DNAAF5: variants seen among roughly 807,000 people sequenced by gnomAD.
DNAAF5 encodes HEAT repeat containing 2.
In DNAAF5, 64 loss-of-function variants were observed where a neutral mutation model predicts 75.8. That is an observed-to-expected ratio of 0.84 (90% CI 0.69 to 1.04). The LOEUF (loss-of-function observed/expected upper bound fraction) is 1.04, where lower values mean the gene tolerates loss of function less well. DNAAF5 is among the 50% of genes least tolerant of loss of function. DNAAF5 has a pLI of 0.00. For missense variants in DNAAF5, 1,269 were observed against 1,178.5 expected (o/e 1.08, Z -1.12); for synonymous variants, 657 against 557.2 (o/e 1.18, Z -2.52).
Position 774,209 on chromosome 7 carries a change from C to T in DNAAF5, c.2082+11C>T. The T allele has an allele frequency of 6.3e-7, 1 of 1,598,244 alleles. No homozygotes were observed. Among genetic ancestry groups the T allele is most frequent in the African/African-American group, 1.3e-5 (1 of 74,906 alleles). On this transcript the variant is annotated intron_variant, in intron 10 of 12. Transcript: ENST00000297440. ...CTGTCGGCAGAGCAGGTACGGGGCT[C>T]CCTGCGTGCTCGGTGGACACCGGCC...
intron 12 of DNAAF5, among the ~76,000 whole-genome samples, chr7:780,863 TATA>T (rs753779048): frequency 6.0e-5 from 9 of 150,772 alleles, no homozygotes; most frequent in African/African-American, 2.2e-4. Context: ...TGTTGGTGAA[TATA>T]ATGACGTTGT....
At chr7:761,664 GA>G in intron 6 of DNAAF5, 88 bp from the exon 7 acceptor site, 1 of 1,377,342 alleles carries the variant, frequency 7.3e-7, no homozygotes, top group South Asian at 1.4e-5. Context: ...GATACGTGGG[GA>G]TTATGGGAGC....
At chr7:775,214 G>A (rs1220068027) in intron 11 of DNAAF5, 52 bp downstream of exon 11, 2 of 1,566,156 alleles carry the variant, frequency 1.3e-6, no homozygotes, top group Non-Finnish European at 1.8e-6. Flanking sequence ...AGCCCTCCGT[G>A]TCCCTGGGTT....
chr7:757,749 C>A (rs539645962), intron 6 of DNAAF5, among the ~76,000 whole-genome samples: 1 of 152,292 alleles, frequency 6.6e-6, no homozygotes, highest in South Asian at 2.1e-4. Context: ...GACTCAGCAC[C>A]CCAGATATTT....
intron 8 of DNAAF5, among the ~76,000 whole-genome samples, chr7:764,332 C>T (rs191734428): frequency 6.6e-6 from 1 of 152,214 alleles, no homozygotes; most frequent in East Asian, 1.9e-4. Flanking sequence ...GACATGGGGG[C>T]CTTAGCCCCA....
intron 4 of DNAAF5, among the ~76,000 whole-genome samples, chr7:750,590 C>T (rs974588661): frequency 1.3e-5 from 2 of 152,198 alleles, no homozygotes; most frequent in Non-Finnish European, 2.9e-5. Context: ...TTGCCCTCCC[C>T]TGAGAATCTC....
At chr7:773,437 G>A (rs1188432939) in intron 9 of DNAAF5, among the ~76,000 whole-genome samples, 1 of 152,114 alleles carries the variant, frequency 6.6e-6, no homozygotes. Flanking sequence ...TTTGCTTTGA[G>A]TTTGTCTTGG....
intron 2 of DNAAF5, among the ~76,000 whole-genome samples, chr7:731,147 A>G (rs35875124): frequency 1.3e-5 from 2 of 152,152 alleles, no homozygotes; most frequent in Non-Finnish European, 2.9e-5. Context: ...CCACAAGGAA[A>G]GTGGAGTCTG....
At chr7:780,358 T>G (rs898692062) in intron 12 of DNAAF5, among the ~76,000 whole-genome samples, 1 of 152,232 alleles carries the variant, frequency 6.6e-6, no homozygotes, top group African/African-American at 2.4e-5. Context: ...AAATCAAAAC[T>G]GAGAGTATTC....
chr7:743,278 G>A (rs2128073766), intron 4 of DNAAF5, among the ~76,000 whole-genome samples: 1 of 152,278 alleles, frequency 6.6e-6, no homozygotes, highest in African/African-American at 2.4e-5. Context: ...CAGAGGCTGA[G>A]GTGGGAGGAT....
intron 4 of DNAAF5, among the ~76,000 whole-genome samples, chr7:745,418 G>A (rs541510732): frequency 8.9e-5 from 12 of 134,622 alleles, no homozygotes; most frequent in Non-Finnish European, 1.3e-4. Flanking sequence ...AGAGCGAGGC[G>A]CACACGCATA....
At chr7:753,881 C>T (rs1450235707) in intron 4 of DNAAF5, among the ~76,000 whole-genome samples, 10 of 129,678 alleles carry the variant, frequency 7.7e-5, no homozygotes, top group African/African-American at 2.8e-4. Context: ...GCTTCGCAGG[C>T]GTCTCTCTCT....
chr7:733,772 G>C (rs1199616700), intron 2 of DNAAF5, among the ~76,000 whole-genome samples: 3 of 152,208 alleles, frequency 2.0e-5, no homozygotes, highest in Non-Finnish European at 4.4e-5. Flanking sequence ...GGGATTACAG[G>C]TGTGAGCCAC....
chr7:786,203 A>G lies in DNAAF5; in HGVS notation c.*550A>G, dbSNP rs905675162. On this transcript the variant is annotated 3_prime_UTR_variant, in exon 13 of 13. Transcript: ENST00000297440. Reference sequence around the variant, plus strand: ...GACTTTAAAGGTTATATGTCCGGTCACCGTATGTTTTAAGTCGGTGTTAAT... The same window carrying G: ...GACTTTAAAGGTTATATGTCCGGTCGCCGTATGTTTTAAGTCGGTGTTAAT... 1 of 152,682 alleles carries G rather than the reference A, an allele frequency of 6.5e-6. No individual in the cohort carries two copies. The highest frequency in any genetic ancestry group is 1.5e-5 in the Non-Finnish European group (1 of 68,410). 9.5% of individuals were successfully genotyped at this position (152,682 alleles called of 1,614,324 possible).
At chr7:728,292 G>A (rs916712548) in intron 1 of DNAAF5, among the ~76,000 whole-genome samples, 5 of 152,202 alleles carry the variant, frequency 3.3e-5, no homozygotes, top group Non-Finnish European at 7.3e-5. Context: ...ATCCGTGGGC[G>A]GTAGGGAGCA....
chr7:727,390 A>C (rs868398479), intron 1 of DNAAF5, 75 bp downstream of exon 1: 114 of 580,112 alleles, frequency 2.0e-4, no homozygotes, highest in Admixed American at 6.0e-4. Flanking sequence ...GGCCCCTCTC[A>C]CAACCCCCGC....
In DNAAF5 at chr7:756,899, G is replaced by T. The variant is rs201942359; in HGVS notation, c.1375G>T (p.Ala459Ser). The stretch of plus-strand genomic sequence containing the variant: ...CTCCGGCCTCCTGGTGCTGGCCTCC[G>T]CCATGCGGGGTTGCCCCCGAGAAGC... The part of the protein sequence containing the change: ...SASGLLVLAS[A>S]MRGCPREALQ... The change falls in exon 6 of 13, where the codon GCC (alanine) becomes TCC (serine). Residue 459 changes from alanine (A) to serine (S), a missense_variant. By Grantham distance (99) the Ala-to-Ser change is moderately conservative. Transcript: ENST00000297440. The T allele has an allele frequency of 2.5e-6, 4 of 1,612,602 alleles. No homozygotes were observed. Among genetic ancestry groups the T allele is most frequent in the Non-Finnish European group, 3.4e-6 (4 of 1,179,994 alleles).
At chr7:751,733 C>T (rs936884742) in intron 4 of DNAAF5, among the ~76,000 whole-genome samples, 9 of 151,910 alleles carry the variant, frequency 5.9e-5, no homozygotes, top group African/African-American at 2.2e-4. Flanking sequence ...CCAGCACGAC[C>T]GGCTTATTTT....
rs140781084 is a variant in DNAAF5, at chr7:759,082, C to T, written c.1470+2088C>T. Among the ~76,000 whole-genome samples the T allele has an allele frequency of 2.8e-3, 426 of 149,486 alleles. 3 individuals are homozygous for T. Among genetic ancestry groups the T allele is most frequent in the Non-Finnish European group, 4.7e-3 (317 of 67,566 alleles). ...CCCGTGGTTCTGTGCTCTTCCCACG[C>T]CCCTGTGCTCTTCCCGCGGCCGGCC... On this transcript the variant is annotated intron_variant, in intron 6 of 12. Coordinates refer to ENST00000297440, the MANE Select transcript of DNAAF5 (RefSeq NM_017802.4).
Sources: gnomAD v4.1 joint callset for allele counts (sites outside exome capture counted in the v4.1 genomes callset) on GRCh38, gnomAD v4.1.1 for gene constraint, MANE v1.5 for transcripts, NCBI Gene and HGNC (gene_info 2026-07-23, HGNC 2026-07-21) for gene names.